Variants in SV2C observed in about 807,000 individuals in gnomAD.
The protein encoded by SV2C is solute carrier family 22 member B3.
A neutral mutation model predicts 79.7 loss-of-function variants in SV2C; 49 were observed. The observed-to-expected ratio is 0.61, with a 90% CI of 0.49 to 0.78. The LOEUF (loss-of-function observed/expected upper bound fraction) is 0.78, where lower values mean the gene tolerates loss of function less well. Ranked by LOEUF, SV2C falls within the 30% of genes least tolerant of loss-of-function variation. The pLI is 0.00. For synonymous variants in SV2C, 334 were observed against 333.2 expected (o/e 1.00, Z -0.03); for missense variants, 833 against 912.9 (o/e 0.91, Z 1.13).
At chr5:76,049,039 AGGGAG>A in the SV2C span, among the ~76,000 whole-genome samples, 4 of 31,402 alleles carry the variant, frequency 1.3e-4, no homozygotes, top group African/African-American at 3.6e-4. Context: ...GAAAAGAGGG[AGGGAG>A]GGGAGGGGAG....
chr5:76,038,887 A>G, the SV2C span, among the ~76,000 whole-genome samples: 5 of 152,230 alleles, frequency 3.3e-5, no homozygotes, highest in Admixed American at 3.3e-4. Context: ...ATGCACCTTT[A>G]CTTTGTAAAT....
At chr5:75,972,334 A>C in the SV2C span, among the ~76,000 whole-genome samples, 7 of 152,110 alleles carry the variant, frequency 4.6e-5, no homozygotes, top group African/African-American at 7.3e-5. Flanking sequence ...AATGGGATCT[A>C]ATTAAACTAA....
At chr5:75,872,180 C>G in the SV2C span, among the ~76,000 whole-genome samples, 9 of 149,460 alleles carry the variant, frequency 6.0e-5, no homozygotes, top group Non-Finnish European at 1.3e-4. Flanking sequence ...CACCACATAA[C>G]TTGGAAAAAT....
At chr5:76,350,335 T>C (rs981882957) in intron 12 of SV2C, among the ~76,000 whole-genome samples, 2 of 152,138 alleles carry the variant, frequency 1.3e-5, no homozygotes, top group Middle Eastern at 3.2e-3. Context: ...GAAGAAGGGA[T>C]ATGGGAATAT....
In SV2C at chr5:76,194,960, T is replaced by C; in HGVS notation, c.622T>C (p.Trp208Arg). The C allele has an allele frequency of 6.2e-7, 1 of 1,614,052 alleles. No homozygotes were observed. The change falls in exon 3 of 13, where the codon TGG (tryptophan) becomes CGG (arginine). Residue 208 changes from tryptophan (W) to arginine (R), a missense_variant. Physicochemically the swap from Trp to Arg is moderately radical, Grantham distance 101. Coordinates refer to ENST00000502798, the MANE Select transcript of SV2C (RefSeq NM_014979.4). The stretch of plus-strand genomic sequence containing the variant: ...CGGGATGATGGTGGGGGCGTTCTTC[T>C]GGGGAGGACTGGCAGACAAAGTGGG... ...YLGMMVGAFF[W>R]GGLADKVGRK...
chr5:76,342,724 T>G (rs1749466204), intron 12 of SV2C, among the ~76,000 whole-genome samples: 1 of 152,214 alleles, frequency 6.6e-6, no homozygotes, highest in Non-Finnish European at 1.5e-5. Flanking sequence ...CCTCAATTCC[T>G]CATCTGTAAA....
the SV2C span, among the ~76,000 whole-genome samples, chr5:75,867,647 C>T: frequency 6.6e-6 from 1 of 152,110 alleles, no homozygotes; most frequent in African/African-American, 2.4e-5. Flanking sequence ...ATATTTGATT[C>T]CTGGATGTTT....
rs1199939857 is a variant in SV2C, at chr5:76,165,593, G to A, written c.581-29326G>A. Among the ~76,000 whole-genome samples, 3 of 151,480 alleles carry A rather than the reference G, an allele frequency of 2.0e-5. No individual in the cohort carries two copies. The Admixed American group carries it at 2.0e-4, about 10-fold the overall frequency. On this transcript the variant is annotated intron_variant, in intron 2 of 12. Transcript: ENST00000502798. ...GAGAATGTTATAGACATGGAATCAT[G>A]TTGTCTGAAACCTTTTGAGATTGGC...
intron 2 of SV2C, among the ~76,000 whole-genome samples, chr5:76,154,345 A>G (rs575812009): frequency 3.9e-5 from 6 of 152,252 alleles, no homozygotes; most frequent in African/African-American, 1.2e-4. Flanking sequence ...AAAACCAGTG[A>G]TGGCCTGATT....
chr5:76,084,291 A>C (rs1288252880), intron 1 of SV2C: 1 of 152,308 alleles, frequency 6.6e-6, no homozygotes, highest in Admixed American at 6.5e-5. Flanking sequence ...AGAGGGACCA[A>C]TCGCAGTAAA....
intron 3 of SV2C, among the ~76,000 whole-genome samples, chr5:76,206,558 T>C (rs1016383458): frequency 3.3e-5 from 5 of 152,220 alleles, no homozygotes; most frequent in African/African-American, 1.2e-4. Context: ...GGTGTATCTT[T>C]CTATTCACTG....
chr5:75,960,421 T>C, the SV2C span, among the ~76,000 whole-genome samples: 4 of 152,002 alleles, frequency 2.6e-5, no homozygotes, highest in Admixed American at 2.6e-4. Flanking sequence ...CCTAGTGATG[T>C]CATAGCTGTT....
At chr5:76,097,356 T>C (rs770569560) in intron 1 of SV2C, among the ~76,000 whole-genome samples, 4 of 152,228 alleles carry the variant, frequency 2.6e-5, no homozygotes, top group Non-Finnish European at 5.9e-5. Context: ...TTTAAAGTCT[T>C]ACTGAGAGTT....
chr5:76,160,020 A>G (rs1742853702), intron 2 of SV2C, among the ~76,000 whole-genome samples: 1 of 152,024 alleles, frequency 6.6e-6, no homozygotes, highest in South Asian at 2.1e-4. Flanking sequence ...TAATAAATAA[A>G]TACTTCAAAA....
chr5:76,047,458 C>T, the SV2C span, among the ~76,000 whole-genome samples: 2 of 152,110 alleles, frequency 1.3e-5, no homozygotes, highest in African/African-American at 4.8e-5. Flanking sequence ...TAGAATGTCT[C>T]CATGGAGTGA....
At chr5:75,949,442 G>A in the SV2C span, among the ~76,000 whole-genome samples, 7 of 151,948 alleles carry the variant, frequency 4.6e-5, no homozygotes, top group Admixed American at 6.6e-5. Context: ...GGAGACTGGT[G>A]TAGTAATTTA....
rs189877519 is a variant in SV2C at position 76,247,646 on chromosome 5, A to G, written c.914-37516A>G. ...TATCAAATGCCAAGGGGAGGGTAATACAACATCGGGGAACTAGGGTAATTC... is the reference window on the plus strand; with the variant it reads ...TATCAAATGCCAAGGGGAGGGTAATGCAACATCGGGGAACTAGGGTAATTC... On this transcript the variant is annotated intron_variant, in intron 4 of 12. Transcript: ENST00000502798. Among the ~76,000 whole-genome samples the G allele has an allele frequency of 9.2e-5, 14 of 152,352 alleles. 1 individual carries two copies. Among genetic ancestry groups the G allele is most frequent in the African/African-American group, 2.6e-4 (11 of 41,578 alleles).
intron 12 of SV2C, among the ~76,000 whole-genome samples, chr5:76,324,691 TA>T (rs33930503): frequency 1.0e-3 from 150 of 144,268 alleles, no homozygotes; most frequent in Middle Eastern, 3.5e-3. Flanking sequence ...TACAAATATT[TA>T]AAAAAAAAAA....
chr5:76,245,286 G>GGAGGAA (rs1167175203), intron 4 of SV2C, among the ~76,000 whole-genome samples: 1 of 152,174 alleles, frequency 6.6e-6, no homozygotes, highest in Non-Finnish European at 1.5e-5. Context: ...GCCAAGACTT[G>GGAGGAA]GAGGAAGAGG....
Sources: allele counts gnomAD v4.1 joint callset (sites outside exome capture counted in the v4.1 genomes callset), GRCh38; gene constraint gnomAD v4.1.1; transcripts MANE v1.5; gene names NCBI Gene and HGNC (gene_info 2026-07-23, HGNC 2026-07-21).